RPS6KA2: variants seen among roughly 807,000 people sequenced by gnomAD.
The protein encoded by RPS6KA2 is ribosomal protein S6 kinase alpha-2.
A neutral mutation model predicts 91.8 loss-of-function variants in RPS6KA2; 42 were observed. The observed-to-expected ratio is 0.46, with a 90% CI of 0.36 to 0.59. RPS6KA2 has a LOEUF of 0.59. Ranked by LOEUF, RPS6KA2 falls within the 20% of genes least tolerant of loss-of-function variation. The probability of loss-of-function intolerance (pLI) is 0.00; values close to 1 mark genes in which losing one functional copy is unlikely to be tolerated. For synonymous variants in RPS6KA2, 414 were observed against 393.6 expected (o/e 1.05, Z -0.61); for missense variants, 798 against 978.5 (o/e 0.82, Z 2.46).
In RPS6KA2 at chr6:166,508,684, C is replaced by T. The variant is rs544689660; in HGVS notation, c.380-402G>A. Reference sequence around the variant, plus strand: ...GTGGGTTTGGAGGACATGTCCTTTCCGTCCTATGGAAGTGCCTTCTTCTTA... The same window carrying T: ...GTGGGTTTGGAGGACATGTCCTTTCTGTCCTATGGAAGTGCCTTCTTCTTA... On this transcript the variant is annotated intron_variant, in intron 4 of 20. Transcript: ENST00000265678. The surrounding 1 kb of genome is among the most constrained non-coding windows in gnomAD (Gnocchi z 4.3). Among the ~76,000 whole-genome samples, 3 of 152,184 alleles carry T rather than the reference C, an allele frequency of 2.0e-5. No individual in the cohort carries two copies. The highest frequency in any genetic ancestry group is 6.5e-5 in the Admixed American group (1 of 15,280).
rs1308475685 is a variant in RPS6KA2 at position 166,732,595 on chromosome 6, C to T, written c.123+125605G>A. On this transcript the variant is annotated intron_variant, in intron 2 of 21. Coordinates refer to the RPS6KA2 transcript ENST00000503859. This position sits in a 1 kb window ranked among gnomAD's most constrained non-coding sequence, Gnocchi z 4.0. Reference sequence around the variant, plus strand: ...AAGTCCATTCAACAGCCATCCACTGCATCCAGACTGTTGAATCTTCAACCA... The same window carrying T: ...AAGTCCATTCAACAGCCATCCACTGTATCCAGACTGTTGAATCTTCAACCA... Among the ~76,000 whole-genome samples the T allele has an allele frequency of 6.6e-6, 1 of 152,282 alleles. No individual in the cohort carries two copies. The highest frequency in any genetic ancestry group is 2.4e-5 in the African/African-American group (1 of 41,478).
At chr6:166,711,035 C>T (rs1184180757) in intron 2 of RPS6KA2, among the ~76,000 whole-genome samples, 1 of 152,032 alleles carries the variant, frequency 6.6e-6, no homozygotes, top group African/African-American at 2.4e-5. Context: ...TAGAATTCCA[C>T]CCTCATTAGT....
intron 15 of RPS6KA2, among the ~76,000 whole-genome samples, chr6:166,431,971 T>C (rs1779147266): frequency 6.6e-6 from 1 of 152,180 alleles, no homozygotes; most frequent in South Asian, 2.1e-4. Context: ...TAAGACCGTT[T>C]GCACGCAGCA....
intron 2 of RPS6KA2, among the ~76,000 whole-genome samples, chr6:166,532,844 A>C (rs546601909): frequency 6.7e-6 from 1 of 149,480 alleles, no homozygotes; most frequent in Non-Finnish European, 1.5e-5. Flanking sequence ...AGAGAGAGAG[A>C]GTGTGTGTGT....
In RPS6KA2 at chr6:166,626,965, G is replaced by T. The variant is rs1342318405; in HGVS notation, c.55C>A (p.Arg19Ser). ...AVRRFFSVYL[R>S]RKSRSKSSSL... Reference sequence around the variant, plus strand: ...GAGCTCTTGGAGCGCGACTTCCTGCGCAGGTACACAGAGAAGAACCTGCGC... The same window carrying T: ...GAGCTCTTGGAGCGCGACTTCCTGCTCAGGTACACAGAGAAGAACCTGCGC... The change falls in exon 1 of 21, where the codon CGC becomes AGC. Residue 19 changes from arginine to serine, a missense_variant. By Grantham distance (110) the Arg-to-Ser change is moderately radical (BLOSUM62 -1). Coordinates refer to ENST00000265678, the MANE Select transcript of RPS6KA2 (RefSeq NM_021135.6). The surrounding 1 kb of genome is among the most constrained non-coding windows in gnomAD (Gnocchi z 4.1). 7.0e-6 allele frequency: 11 copies of T among 1,566,372 alleles called. No individual in the cohort carries two copies. The highest frequency in any genetic ancestry group is 7.8e-6 in the Non-Finnish European group (9 of 1,155,996).
At position 166,613,422 on chromosome 6, in the gene RPS6KA2, A is replaced by G. The variant is rs549622066; in HGVS notation, c.99+13499T>C. Among the ~76,000 whole-genome samples the G allele has an allele frequency of 1.8e-3, 272 of 152,360 alleles. 1 individual carries two copies. Among genetic ancestry groups the G allele is most frequent in the African/African-American group, 6.0e-3 (249 of 41,586 alleles). ...AATTTGCAAAACACGTCACCGAAGG[A>G]GTCTCAGGTTGATCCTGTACAGAGG... is the stretch of plus-strand genomic sequence containing the variant. On this transcript the variant is annotated intron_variant, in intron 1 of 20. Coordinates refer to ENST00000265678, the MANE Select transcript of RPS6KA2 (RefSeq NM_021135.6).
At chr6:166,690,393 T>C (rs1438933209) in intron 2 of RPS6KA2, among the ~76,000 whole-genome samples, 4 of 152,108 alleles carry the variant, frequency 2.6e-5, no homozygotes, top group Non-Finnish European at 5.9e-5. Flanking sequence ...AATACAGACA[T>C]GTCAGCACAG....
chr6:166,804,372 T>A (rs4710105), intron 2 of RPS6KA2, among the ~76,000 whole-genome samples: 6,264 of 152,256 alleles, frequency 0.041, 544 homozygotes, highest in East Asian at 0.39. Context: ...ATTAATTTTT[T>A]AATACAATCA....
chr6:166,861,813 C>T (rs1448544703), intron 1 of RPS6KA2, among the ~76,000 whole-genome samples: 1 of 152,230 alleles, frequency 6.6e-6, no homozygotes, highest in East Asian at 1.9e-4. Context: ...TTAAGACTTA[C>T]ATAGACTTTA....
chr6:166,507,059 C>T (rs889722915), intron 5 of RPS6KA2, among the ~76,000 whole-genome samples: 27 of 152,026 alleles, frequency 1.8e-4, no homozygotes, highest in African/African-American at 5.3e-4. Context: ...TGTGCAGTAG[C>T]GGCTGTGAGA....
chr6:166,665,679 C>T lies in RPS6KA2; in HGVS notation c.124-126895G>A, dbSNP rs1248987929. On this transcript the variant is annotated intron_variant, in intron 2 of 21. Coordinates refer to the RPS6KA2 transcript ENST00000503859. This position sits in a 1 kb window ranked among gnomAD's most constrained non-coding sequence, Gnocchi z 4.5. Reference sequence around the variant, plus strand: ...ACATGAAGTTTGCTACTGAAGGTCTCCCAGCAAGCTGCAGGCGGCCCTGAC... The same window carrying T: ...ACATGAAGTTTGCTACTGAAGGTCTTCCAGCAAGCTGCAGGCGGCCCTGAC... 1.3e-5 allele frequency among the ~76,000 whole-genome samples: 2 copies of T among 152,204 alleles called. No homozygotes were observed. The highest frequency in any genetic ancestry group is 1.3e-4 in the Admixed American group (2 of 15,278).
rs1197367133 is a variant in RPS6KA2 at position 166,733,700 on chromosome 6, A to G, written c.123+124500T>C. 1.3e-5 allele frequency among the ~76,000 whole-genome samples: 2 copies of G among 152,306 alleles called. No homozygotes were observed. The highest frequency in any genetic ancestry group is 1.9e-4 in the East Asian group (1 of 5,172). On this transcript the variant is annotated intron_variant, in intron 2 of 21. Transcript: ENST00000503859. The surrounding 1 kb of genome is among the most constrained non-coding windows in gnomAD (Gnocchi z 4.1). ...ATGGAATGTCCCAGGCACAGGTCACATTTCAGCGGGTTCCGGAGCTCACTC... is the reference window on the plus strand; with the variant it reads ...ATGGAATGTCCCAGGCACAGGTCACGTTTCAGCGGGTTCCGGAGCTCACTC...
intron 1 of RPS6KA2, among the ~76,000 whole-genome samples, chr6:166,581,057 G>A (rs914315994): frequency 2.6e-5 from 4 of 152,002 alleles, no homozygotes; most frequent in African/African-American, 7.2e-5. Flanking sequence ...ACACCACCAC[G>A]CCCAGCTAAT....
At chr6:166,424,498 C>T (rs149538435) in intron 16 of RPS6KA2, among the ~76,000 whole-genome samples, 1 of 152,328 alleles carries the variant, frequency 6.6e-6, no homozygotes, top group African/African-American at 2.4e-5. Flanking sequence ...AGATGGCGCA[C>T]AGAGGAAACA....
At chr6:166,857,724 A>T (rs1188370267) in intron 2 of RPS6KA2, among the ~76,000 whole-genome samples, 1 of 150,880 alleles carries the variant, frequency 6.6e-6, no homozygotes, top group Non-Finnish European at 1.5e-5. Flanking sequence ...AGGCCCTGGG[A>T]CTCCTCTCCG....
rs1458511273 is a variant in RPS6KA2 at position 166,448,997 on chromosome 6, A to C, written c.1207-148T>G. 2.4e-6 allele frequency: 2 copies of C among 849,126 alleles called. No individual in the cohort carries two copies. Among genetic ancestry groups the C allele is most frequent in the Admixed American group, 5.0e-5 (2 of 40,374 alleles). 52.6% of individuals were successfully genotyped at this position (849,126 alleles called of 1,614,324 possible). On this transcript the variant is annotated intron_variant, in intron 13 of 20. Coordinates refer to ENST00000265678, the MANE Select transcript of RPS6KA2 (RefSeq NM_021135.6). The surrounding 1 kb of genome is among the most constrained non-coding windows in gnomAD (Gnocchi z 4.7). Reference sequence around the variant, plus strand: ...TGGGAGCTCATGGGTCCCCCTGCCCAAGGCTGCAGAGCTACTTAGTGATGT... The same window carrying C: ...TGGGAGCTCATGGGTCCCCCTGCCCCAGGCTGCAGAGCTACTTAGTGATGT...
chr6:166,761,599 G>C (rs1294940803), intron 2 of RPS6KA2, among the ~76,000 whole-genome samples: 1 of 152,208 alleles, frequency 6.6e-6, no homozygotes, highest in Non-Finnish European at 1.5e-5. Flanking sequence ...GAAAGCATCT[G>C]TTTCGTGTTT....
chr6:166,754,050 T>G (rs1777923912), intron 2 of RPS6KA2, among the ~76,000 whole-genome samples: 3 of 152,138 alleles, frequency 2.0e-5, no homozygotes, highest in Admixed American at 2.0e-4. Context: ...ACACAAGACC[T>G]CAGTCTCCCT....
Position 166,550,890 on chromosome 6 carries a change from A to G in RPS6KA2, c.100-12106T>C, listed in dbSNP as rs564624606. 1.7e-3 allele frequency among the ~76,000 whole-genome samples: 250 copies of G among 150,588 alleles called. 1 individual carries two copies. Among genetic ancestry groups the G allele is most frequent in the Admixed American group, 3.9e-3 (59 of 15,016 alleles). ...GTGGCGGGCGCCTGTAGTCCCAGCT[A>G]CTCGGGAGGCTGAGGCAGCGGAATC... On this transcript the variant is annotated intron_variant, in intron 1 of 20. Coordinates refer to ENST00000265678, the MANE Select transcript of RPS6KA2 (RefSeq NM_021135.6).
Sources: allele counts gnomAD v4.1 joint callset (sites outside exome capture counted in the v4.1 genomes callset), GRCh38; gene constraint gnomAD v4.1.1; non-coding constraint Gnocchi (gnomAD v3.1); transcripts MANE v1.5; gene names NCBI Gene and HGNC (gene_info 2026-07-23, HGNC 2026-07-21).